The following C3orf33 variants were observed in gnomAD, a reference collection of about 807,000 sequenced individuals.
The protein encoded by C3orf33 is AP-1 activity suppressor.
In C3orf33, 23 loss-of-function variants were observed where a neutral mutation model predicts 28.7. The observed-to-expected ratio is 0.80, with a 90% CI of 0.58 to 1.13. The LOEUF (loss-of-function observed/expected upper bound fraction) is 1.13. C3orf33 is among the 50% of genes most tolerant of loss of function. The pLI, the probability that C3orf33 is intolerant of heterozygous loss-of-function variation, is 0.00. For synonymous variants in C3orf33, 119 were observed against 120.5 expected (o/e 0.99, Z 0.08); for missense variants, 327 against 353.4 (o/e 0.93, Z 0.60).
intron 2 of C3orf33, among the ~76,000 whole-genome samples, chr3:155,786,635 T>G (rs1751124840): frequency 6.6e-6 from 1 of 152,110 alleles, no homozygotes; most frequent in African/African-American, 2.4e-5. Flanking sequence ...GAGACCAACC[T>G]GGCCAACGTG....
intron 1 of C3orf33, 142 bp from the exon 2 acceptor site, chr3:155,802,733 C>G (rs1751685463): frequency 6.8e-6 from 4 of 585,610 alleles, no homozygotes; most frequent in Non-Finnish European, 8.7e-6. Context: ...AATAAAGGCC[C>G]ACTTCTTCAA....
chr3:155,788,492 G>A (rs1048994349), intron 2 of C3orf33, among the ~76,000 whole-genome samples: 3 of 151,932 alleles, frequency 2.0e-5, no homozygotes, highest in Non-Finnish European at 4.4e-5. Context: ...AGACCATCCT[G>A]GCCAACATAG....
At chr3:155,784,773 A>C (rs1751048323) in intron 2 of C3orf33, among the ~76,000 whole-genome samples, 1 of 151,134 alleles carries the variant, frequency 6.6e-6, no homozygotes, top group Admixed American at 6.6e-5. Context: ...AATAAAATAA[A>C]AAATTATACA....
intron 2 of C3orf33, among the ~76,000 whole-genome samples, chr3:155,793,836 A>AAAAAAC (rs1751394183): frequency 7.0e-6 from 1 of 143,828 alleles, no homozygotes; most frequent in African/African-American, 2.5e-5. Flanking sequence ...AACTAAAAAA[A>AAAAAAC]CTAAAAAAAC....
intron 2 of C3orf33, among the ~76,000 whole-genome samples, chr3:155,785,610 C>A (rs1393526196): frequency 6.6e-6 from 1 of 152,090 alleles, no homozygotes; most frequent in East Asian, 1.9e-4. Context: ...TATCAAAAAA[C>A]AATCACAAGG....
chr3:155,773,473 A>G (rs1750650609), intron 3 of C3orf33, among the ~76,000 whole-genome samples: 1 of 152,204 alleles, frequency 6.6e-6, no homozygotes, highest in Non-Finnish European at 1.5e-5. Flanking sequence ...CTTTGATTTC[A>G]TCATCATTAG....
At chr3:155,784,574 T>C (rs1039203516) in intron 2 of C3orf33, among the ~76,000 whole-genome samples, 1 of 151,938 alleles carries the variant, frequency 6.6e-6, no homozygotes, top group Non-Finnish European at 1.5e-5. Flanking sequence ...ACCCTGTCTC[T>C]ACAAATCAAA....
chr3:155,784,048 C>CA (rs1208231607), intron 2 of C3orf33, among the ~76,000 whole-genome samples: 4 of 152,044 alleles, frequency 2.6e-5, no homozygotes, highest in Admixed American at 2.6e-4. Flanking sequence ...TCTCCTGCCT[C>CA]AGCCTCCCAA....
At chr3:155,770,610 G>A (rs139880812) in intron 3 of C3orf33, among the ~76,000 whole-genome samples, 1 of 152,130 alleles carries the variant, frequency 6.6e-6, no homozygotes, top group South Asian at 2.1e-4. Context: ...TGATCAACAA[G>A]AATTTAAAAA....
In C3orf33 at chr3:155,803,901, C is replaced by T. The variant is rs187649291; in HGVS notation, c.115-1310G>A. ...TGTCTCAAAGGAAAAAAGAGGCCGGCGCAGTGGCTCATGCCTGTAATTCCA... is the reference window on the plus strand; with the variant it reads ...TGTCTCAAAGGAAAAAAGAGGCCGGTGCAGTGGCTCATGCCTGTAATTCCA... On this transcript the variant is annotated intron_variant, in intron 1 of 4. Coordinates refer to ENST00000340171, the MANE Select transcript of C3orf33 (RefSeq NM_001308229.2). The T allele has an allele frequency of 5.1e-3, 785 of 153,496 alleles. 1 individual carries two copies. Among genetic ancestry groups the T allele is most frequent in the Admixed American group, 0.01 (151 of 14,718 alleles). The allele number at this position is 153,496 out of a possible 1,614,324, so 9.5% of individuals were successfully genotyped here.
At chr3:155,789,198 A>G (rs1490622347) in intron 2 of C3orf33, among the ~76,000 whole-genome samples, 2 of 151,978 alleles carry the variant, frequency 1.3e-5, no homozygotes, top group Non-Finnish European at 2.9e-5. Context: ...TACAAAAATT[A>G]GCCAGGCGTG....
intron 2 of C3orf33, among the ~76,000 whole-genome samples, chr3:155,790,200 G>A (rs1393840324): frequency 3.9e-4 from 30 of 77,496 alleles, no homozygotes; most frequent in South Asian, 8.0e-4. Context: ...TTGGTGCTGA[G>A]AAAACGGAAT....
At chr3:155,782,124 T>C (rs572708598) in intron 2 of C3orf33, among the ~76,000 whole-genome samples, 2 of 143,188 alleles carry the variant, frequency 1.4e-5, no homozygotes, top group Admixed American at 1.4e-4. Context: ...GCCGAGATCA[T>C]GCCAATGCAC....
chr3:155,772,223 CAA>C (rs1750614573), intron 3 of C3orf33, among the ~76,000 whole-genome samples: 1 of 151,858 alleles, frequency 6.6e-6, no homozygotes, highest in Non-Finnish European at 1.5e-5. Flanking sequence ...TCAATAAATA[CAA>C]AGTGGGACTT....
intron 3 of C3orf33, among the ~76,000 whole-genome samples, chr3:155,768,274 A>G (rs1750476741): frequency 6.6e-6 from 1 of 152,206 alleles, no homozygotes; most frequent in Non-Finnish European, 1.5e-5. Flanking sequence ...TTTTACACAT[A>G]CACACATAAA....
chr3:155,780,992 C>CTTTTTT (rs746458091), intron 2 of C3orf33, among the ~76,000 whole-genome samples: 1,960 of 141,086 alleles, frequency 0.014, 52 homozygotes, highest in African/African-American at 0.049. Context: ...CTCTAGACTT[C>CTTTTTT]TTTTTTTTTT....
chr3:155,783,308 C>T (rs1308743974), intron 2 of C3orf33, among the ~76,000 whole-genome samples: 4 of 152,040 alleles, frequency 2.6e-5, no homozygotes, highest in African/African-American at 9.7e-5. Flanking sequence ...GCGTGTGCCA[C>T]CACACTCAGC....
chr3:155,784,466 G>A (rs535447765), intron 2 of C3orf33, among the ~76,000 whole-genome samples: 10 of 152,184 alleles, frequency 6.6e-5, no homozygotes, highest in African/African-American at 2.2e-4. Context: ...TCAGCTGGGC[G>A]TGGTGGCTCA....
intron 3 of C3orf33, among the ~76,000 whole-genome samples, chr3:155,773,807 A>C (rs1391931687): frequency 6.6e-6 from 1 of 152,230 alleles, no homozygotes; most frequent in Non-Finnish European, 1.5e-5. Context: ...GGAGAGATTT[A>C]AATTATTACA....
Sources: gnomAD v4.1 joint callset for allele counts (sites outside exome capture counted in the v4.1 genomes callset) on GRCh38, gnomAD v4.1.1 for gene constraint, MANE v1.5 for transcripts, NCBI Gene and HGNC (gene_info 2026-07-23, HGNC 2026-07-21) for gene names.